RBM6: variants seen among roughly 807,000 people sequenced by gnomAD.
RBM6 encodes the protein RNA binding motif protein 6.
Under a neutral mutation model 140.4 loss-of-function variants are expected in RBM6, and 23 were observed. That is an observed-to-expected ratio of 0.16 (90% CI 0.12 to 0.23). RBM6 has a LOEUF of 0.23. Ranked by LOEUF, RBM6 falls within the 10% of genes least tolerant of loss-of-function variation. The pLI is 1.00. For missense variants in RBM6, 1,139 were observed against 1,386.7 expected, an observed-to-expected ratio of 0.82 and a Z score of 2.84; for synonymous variants, 439 against 475.6, an observed-to-expected ratio of 0.92 and a Z score of 1.00.
rs1208833407 is a variant in RBM6 at position 50,040,531 on chromosome 3, TACAC to T, written c.1558-7706_1558-7703del. 2.1e-5 allele frequency among the ~76,000 whole-genome samples: 3 copies of T among 146,122 alleles called. No homozygotes were observed. In the East Asian group the frequency reaches 5.9e-4, roughly 29 times the overall value. Reference sequence around the variant, plus strand: ...ACACACACACACGTGTGTATATATATACACACACACATGCATATATATATACACA... The same window carrying T: ...ACACACACACACGTGTGTATATATATACACACATGCATATATATATACACA... On this transcript the variant is annotated intron_variant, in intron 6 of 20. Transcript: ENST00000266022.
intron 7 of RBM6, 84 bp from the exon 8 acceptor site, chr3:50,054,251 A>C (rs538833984): frequency 6.1e-5 from 69 of 1,124,114 alleles, no homozygotes; most frequent in Admixed American, 1.3e-4. Context: ...TGTTTCTTTC[A>C]TTTTTGGGGG....
intron 8 of RBM6, 113 bp downstream of exon 8, chr3:50,054,508 CT>C (rs373305597): frequency 0.17 from 120,277 of 694,338 alleles, no homozygotes; most frequent in South Asian, 0.22. Flanking sequence ...ATCTACAAAC[CT>C]TTTTTTTTTT....
chr3:50,001,293 A>G (rs1339281605), intron 6 of RBM6, among the ~76,000 whole-genome samples: 1 of 152,104 alleles, frequency 6.6e-6, no homozygotes, highest in Admixed American at 6.6e-5. Context: ...GGGAGACCCC[A>G]TCTCTACAAA....
chr3:49,978,608 A>G (rs1417364626), intron 5 of RBM6, among the ~76,000 whole-genome samples: 1 of 152,226 alleles, frequency 6.6e-6, no homozygotes, highest in Non-Finnish European at 1.5e-5. Flanking sequence ...ATAGAAATGT[A>G]GTTTACATAG....
intron 18 of RBM6, among the ~76,000 whole-genome samples, chr3:50,069,656 C>T (rs1322469909): frequency 6.6e-6 from 1 of 152,108 alleles, no homozygotes; most frequent in Non-Finnish European, 1.5e-5. Flanking sequence ...CAGCCCTGTA[C>T]TCCAGCCTGG....
intron 3 of RBM6, among the ~76,000 whole-genome samples, chr3:49,971,846 ACT>A (rs1417952362): frequency 4.0e-5 from 6 of 151,850 alleles, no homozygotes; most frequent in African/African-American, 1.5e-4. Flanking sequence ...TACTTTGAAG[ACT>A]CTTTCAGTGA....
intron 1 of RBM6, among the ~76,000 whole-genome samples, chr3:49,959,966 A>G (rs1290239121): frequency 6.6e-6 from 1 of 152,182 alleles, no homozygotes; most frequent in East Asian, 1.9e-4. Flanking sequence ...TAATTTGCCA[A>G]AGAGTTTCAC....
At chr3:49,977,340 C>T (rs755990251) in intron 5 of RBM6, among the ~76,000 whole-genome samples, 6 of 152,172 alleles carry the variant, frequency 3.9e-5, no homozygotes, top group Admixed American at 1.3e-4. Context: ...TTCAGTTTCA[C>T]GTCTCTGAGG....
chr3:49,953,720 A>G (rs1298095629), intron 1 of RBM6, among the ~76,000 whole-genome samples: 2 of 150,862 alleles, frequency 1.3e-5, no homozygotes, highest in African/African-American at 4.9e-5. Flanking sequence ...GGGTTTCACC[A>G]TGTTGGCCTA....
intron 11 of RBM6, chr3:50,060,747 C>G (rs1199779822): frequency 3.5e-6 from 1 of 286,478 alleles, no homozygotes; most frequent in South Asian, 1.4e-4. Flanking sequence ...GAGCAAGACT[C>G]CGTCTCAAAA....
intron 1 of RBM6, among the ~76,000 whole-genome samples, chr3:49,942,135 T>G (rs1028704278): frequency 6.6e-6 from 1 of 150,530 alleles, no homozygotes; most frequent in Admixed American, 6.7e-5. Flanking sequence ...TTGTGGTAAA[T>G]ATATATTTTT....
rs562486388 is a variant in RBM6 at position 49,985,629 on chromosome 3, T to C, written c.1483+10237T>C. Among the ~76,000 whole-genome samples the C allele has an allele frequency of 1.2e-4, 18 of 152,238 alleles. No individual in the cohort carries two copies. The East Asian group carries it at 2.3e-3, about 20-fold the overall frequency. On this transcript the variant is annotated intron_variant, in intron 5 of 20. Transcript: ENST00000266022. ...TTTTATTTTTATTTTTATTTTGAGA[T>C]AGAGCCTCACTCTGTCGCCCAGGCT...
At chr3:49,990,079 A>T (rs1305932650) in intron 5 of RBM6, among the ~76,000 whole-genome samples, 1 of 152,186 alleles carries the variant, frequency 6.6e-6, no homozygotes, top group Admixed American at 6.5e-5. Flanking sequence ...ATGGAGTAAT[A>T]CTACATTGAG....
intron 6 of RBM6, among the ~76,000 whole-genome samples, chr3:50,034,327 C>T (rs1001872507): frequency 6.6e-6 from 1 of 152,142 alleles, no homozygotes; most frequent in Non-Finnish European, 1.5e-5. Flanking sequence ...CTCTGGTTCC[C>T]ATCCAGCTTT....
intron 6 of RBM6, among the ~76,000 whole-genome samples, chr3:50,006,920 A>C (rs1168976220): frequency 6.7e-6 from 1 of 149,170 alleles, no homozygotes; most frequent in Non-Finnish European, 1.5e-5. Flanking sequence ...CGACAGAGTG[A>C]GACTCCATCT....
chr3:49,965,327 T>C (rs532230179), intron 2 of RBM6, among the ~76,000 whole-genome samples: 4 of 152,324 alleles, frequency 2.6e-5, no homozygotes, highest in Admixed American at 1.3e-4. Context: ...TGAGAGACAC[T>C]GTATTTAGTG....
chr3:50,040,907 A>G (rs2088882174), intron 6 of RBM6, among the ~76,000 whole-genome samples: 1 of 151,992 alleles, frequency 6.6e-6, no homozygotes, highest in African/African-American at 2.4e-5. Flanking sequence ...GACCTCCCCA[A>G]ATGCTGGGGT....
chr3:50,038,924 A>G (rs1443349340), intron 6 of RBM6, among the ~76,000 whole-genome samples: 1 of 152,214 alleles, frequency 6.6e-6, no homozygotes, highest in African/African-American at 2.4e-5. Context: ...TTGCAGTAGG[A>G]GAGAGCCTCT....
chr3:50,037,967 G>A (rs1221280935), intron 6 of RBM6, among the ~76,000 whole-genome samples: 1 of 151,792 alleles, frequency 6.6e-6, no homozygotes, highest in African/African-American at 2.4e-5. Flanking sequence ...GATTACAGGC[G>A]CCCGCCACCA....
Sources: gnomAD v4.1 joint callset for allele counts (sites outside exome capture counted in the v4.1 genomes callset) on GRCh38, gnomAD v4.1.1 for gene constraint, MANE v1.5 for transcripts, NCBI Gene and HGNC (gene_info 2026-07-23, HGNC 2026-07-21) for gene names.